AGTPBP1: variants seen among roughly 807,000 people sequenced by gnomAD.
AGTPBP1 encodes cytosolic carboxypeptidase 1.
A neutral mutation model predicts 143.9 loss-of-function variants in AGTPBP1; 70 were observed. That is an observed-to-expected ratio of 0.49 (90% CI 0.40 to 0.59). AGTPBP1 has a LOEUF of 0.59. Among genes scored for constraint, AGTPBP1 ranks in the 20% least tolerant of loss-of-function variants. AGTPBP1 has a pLI of 0.00. For missense variants in AGTPBP1, 1,229 were observed against 1,464.5 expected, an observed-to-expected ratio of 0.84 and a Z score of 2.62; for synonymous variants, 463 against 500.2, an observed-to-expected ratio of 0.93 and a Z score of 0.99.
the AGTPBP1 span, among the ~76,000 whole-genome samples, chr9:85,803,344 T>A: frequency 1.4e-4 from 21 of 152,244 alleles, no homozygotes; most frequent in African/African-American, 5.1e-4. Context: ...CCCGTTTTTG[T>A]GAAAGTCCAA....
intron 3 of AGTPBP1, among the ~76,000 whole-genome samples, chr9:85,683,160 A>C (rs1835293662): frequency 6.6e-6 from 1 of 152,230 alleles, no homozygotes; most frequent in Admixed American, 6.5e-5. Context: ...TGCTTAAAAG[A>C]ATATAAAATT....
intron 14 of AGTPBP1, among the ~76,000 whole-genome samples, chr9:85,631,862 T>C (rs1831700090): frequency 1.3e-5 from 2 of 152,180 alleles, no homozygotes; most frequent in South Asian, 4.1e-4. Flanking sequence ...GGTATTTTTA[T>C]ATGACAAATA....
chr9:85,598,136 C>T (rs1829416814), intron 17 of AGTPBP1, among the ~76,000 whole-genome samples: 1 of 152,096 alleles, frequency 6.6e-6, no homozygotes, highest in African/African-American at 2.4e-5. Flanking sequence ...TCTTCAGAAT[C>T]TCACTTTTTC....
chr9:85,668,967 A>ATGTGTGTGTGTG (rs539493558), intron 8 of AGTPBP1, among the ~76,000 whole-genome samples: 1 of 114,388 alleles, frequency 8.7e-6, no homozygotes, highest in Non-Finnish European at 1.9e-5. Flanking sequence ...ACATACATAC[A>ATGTGTGTGTGTG]TGTGTGTGTG....
chr9:85,677,411 T>C (rs1834897223), intron 6 of AGTPBP1, 25 bp downstream of exon 6: 2 of 1,597,726 alleles, frequency 1.3e-6, no homozygotes, highest in Admixed American at 1.7e-5. Flanking sequence ...CTAGATACAA[T>C]AATCATACAA....
At position 85,546,722 on chromosome 9, in the gene AGTPBP1, AT is replaced by A. The variant is rs1447253460; in HGVS notation, c.*386del. ...TCTATAGAAATCCATGTACATATAT[AT>A]TAGTTTTCAACAAGTCAGGATTTTC... is the stretch of plus-strand genomic sequence containing the variant. On this transcript the variant is annotated 3_prime_UTR_variant, in exon 26 of 26. Transcript: ENST00000357081. 1.3e-5 allele frequency: 2 copies of A among 156,234 alleles called. No individual in the cohort carries two copies. The highest frequency in any genetic ancestry group is 3.8e-4 in the East Asian group (2 of 5,258). 9.7% of individuals were successfully genotyped at this position (156,234 alleles called of 1,614,324 possible). A position where few individuals can be genotyped will look rare whatever the true frequency, so the allele number is the denominator to read the frequency against.
the AGTPBP1 span, among the ~76,000 whole-genome samples, chr9:85,775,742 C>G: frequency 1.3e-5 from 2 of 151,966 alleles, no homozygotes; most frequent in Non-Finnish European, 2.9e-5. Context: ...GGACAGGAAG[C>G]ATTCAGCATG....
chr9:85,598,107 C>T (rs1356088173), intron 17 of AGTPBP1, among the ~76,000 whole-genome samples: 1 of 152,112 alleles, frequency 6.6e-6, no homozygotes, highest in Non-Finnish European at 1.5e-5. Context: ...TTAAAAATTT[C>T]CCTTCAACAG....
At chr9:85,643,138 G>A in intron 12 of AGTPBP1, 195 bp from the exon 13 acceptor site, 1 of 524,756 alleles carries the variant, frequency 1.9e-6, no homozygotes, top group South Asian at 2.5e-5. Flanking sequence ...TTGTTGGGTA[G>A]TTTTGTTTTG....
chr9:85,594,731 A>G (rs1334948265), intron 18 of AGTPBP1, among the ~76,000 whole-genome samples: 1 of 152,248 alleles, frequency 6.6e-6, no homozygotes, highest in African/African-American at 2.4e-5. Context: ...TAGCCAAAAG[A>G]AAAGACAGAA....
intron 17 of AGTPBP1, among the ~76,000 whole-genome samples, chr9:85,604,763 G>A (rs895393150): frequency 2.0e-5 from 3 of 152,148 alleles, no homozygotes; most frequent in Non-Finnish European, 4.4e-5. Context: ...AATCCTATGA[G>A]ATGCATTTAA....
chr9:85,661,006 CA>C (rs761780341), intron 8 of AGTPBP1, 33 bp from the exon 9 acceptor site: 3 of 1,561,852 alleles, frequency 1.9e-6, no homozygotes, highest in Non-Finnish European at 2.6e-6. Context: ...CAAACAACAA[CA>C]AAACTAGTAA....
the AGTPBP1 span, among the ~76,000 whole-genome samples, chr9:85,779,236 G>GATATAGATATAA: frequency 1.2e-3 from 106 of 84,962 alleles, 1 homozygote; most frequent in Admixed American, 0.013. Flanking sequence ...TATAGATATA[G>GATATAGATATAA]ATATAGATAT....
intron 4 of AGTPBP1, among the ~76,000 whole-genome samples, chr9:85,680,280 G>A (rs529348127): frequency 6.6e-6 from 1 of 152,026 alleles, no homozygotes; most frequent in African/African-American, 2.4e-5. Flanking sequence ...TCCCCATTTG[G>A]ACTTTAAAAA....
At chr9:85,750,042 T>C in the AGTPBP1 span, among the ~76,000 whole-genome samples, 5 of 152,072 alleles carry the variant, frequency 3.3e-5, no homozygotes, top group South Asian at 2.1e-4. Context: ...CCACCATGCC[T>C]GGCTAATTTT....
intron 2 of AGTPBP1, among the ~76,000 whole-genome samples, chr9:85,694,240 C>G (rs1487583101): frequency 6.6e-6 from 1 of 152,168 alleles, no homozygotes; most frequent in Non-Finnish European, 1.5e-5. Flanking sequence ...ACACTTGCTC[C>G]CAGCCCCTTT....
intron 25 of AGTPBP1, among the ~76,000 whole-genome samples, chr9:85,571,958 A>G (rs1389614894): frequency 6.6e-6 from 1 of 151,504 alleles, no homozygotes; most frequent in Non-Finnish European, 1.5e-5. Context: ...TAAAATCTCA[A>G]AAGAAAACTG....
chr9:85,639,692 T>C lies in AGTPBP1; in HGVS notation c.1302+3135A>G, dbSNP rs1832339547. Among the ~76,000 whole-genome samples, 3 of 152,060 alleles carry C rather than the reference T, an allele frequency of 2.0e-5. No homozygotes were observed. The East Asian group carries it at 5.8e-4, about 29-fold the overall frequency. On this transcript the variant is annotated intron_variant, in intron 13 of 25. Transcript: ENST00000357081. ...GAAAACAAGAAAGAAAAACAAAATA[T>C]AACAAAAGTCCATAGTAAATGCCAT...
chr9:85,652,643 G>A (rs898245763), intron 11 of AGTPBP1, among the ~76,000 whole-genome samples: 4 of 152,102 alleles, frequency 2.6e-5, no homozygotes, highest in South Asian at 2.1e-4. Context: ...TCTATGCATC[G>A]CTTCCATTTA....
Sources: gnomAD v4.1 joint callset for allele counts (sites outside exome capture counted in the v4.1 genomes callset) on GRCh38, gnomAD v4.1.1 for gene constraint, MANE v1.5 for transcripts, NCBI Gene and HGNC (gene_info 2026-07-23, HGNC 2026-07-21) for gene names.